Variants in ADK observed in about 807,000 individuals in gnomAD.
ADK encodes the protein N6,N6-dimethyladenosine kinase.
A neutral mutation model predicts 44.7 loss-of-function variants in ADK; 24 were observed. The ratio of observed to expected loss-of-function variants is 0.54; its 90% CI spans 0.39 to 0.76. ADK has a LOEUF of 0.76. Among genes scored for constraint, ADK ranks in the 30% least tolerant of loss-of-function variants. The probability of loss-of-function intolerance (pLI) is 0.00; values close to 1 mark genes in which losing one functional copy is unlikely to be tolerated. For missense variants in ADK, 321 were observed against 425.1 expected, an observed-to-expected ratio of 0.76 and a Z score of 2.15; for synonymous variants, 128 against 142.6, an observed-to-expected ratio of 0.90 and a Z score of 0.73.
intron 10 of ADK, among the ~76,000 whole-genome samples, chr10:74,685,515 G>A (rs186637099): frequency 6.6e-6 from 1 of 152,184 alleles, no homozygotes; most frequent in Non-Finnish European, 1.5e-5. Flanking sequence ...CAAAGTAGCA[G>A]GTTGTAAAAT....
At chr10:74,490,514 C>A (rs560649432) in intron 6 of ADK, among the ~76,000 whole-genome samples, 1 of 152,184 alleles carries the variant, frequency 6.6e-6, no homozygotes, top group African/African-American at 2.4e-5. Context: ...AGTATATGTT[C>A]TCCCAGAATA....
At position 74,151,343 on chromosome 10, in the gene ADK, G is replaced by A. The variant is rs1370887703; in HGVS notation, c.65G>A (p.Arg22Lys). 17 of 1,549,430 alleles carry A rather than the reference G, an allele frequency of 1.1e-5. No individual in the cohort carries two copies. The East Asian group carries it at 3.2e-4, about 29-fold the overall frequency. The change falls in exon 1 of 11, where the codon AGA becomes AAA. Residue 22 changes from arginine (R) to lysine (K), a missense_variant and splice_region_variant. By Grantham distance (26) the Arg-to-Lys change is conservative (BLOSUM62 2). Coordinates refer to ENST00000539909, the MANE Select transcript of ADK (RefSeq NM_006721.4). Reference sequence around the variant, plus strand: ...AAGGTGGAGGCGCCGCAAGCGCTGAGGTGAGCGCTGCCGGACTTGGGGAGG... The same window carrying A: ...AAGGTGGAGGCGCCGCAAGCGCTGAAGTGAGCGCTGCCGGACTTGGGGAGG... ...KLKVEAPQAL[R>K]ENILFGMGNP...
At chr10:74,631,264 T>G (rs1386169161) in intron 9 of ADK, among the ~76,000 whole-genome samples, 1 of 148,030 alleles carries the variant, frequency 6.8e-6, no homozygotes, top group Non-Finnish European at 1.5e-5. Flanking sequence ...GTGTGATATA[T>G]ATATGATTTA....
chr10:74,411,240 A>G (rs1407422667), intron 6 of ADK, among the ~76,000 whole-genome samples: 1 of 152,144 alleles, frequency 6.6e-6, no homozygotes, highest in Non-Finnish European at 1.5e-5. Flanking sequence ...AAATCTGTAG[A>G]GTTGTTTGTT....
chr10:74,320,845 GTCT>G (rs1235406836), intron 4 of ADK, among the ~76,000 whole-genome samples: 7 of 152,140 alleles, frequency 4.6e-5, no homozygotes, highest in Admixed American at 3.9e-4. Context: ...ACTTCTTACT[GTCT>G]TCTTCAATTT....
At chr10:74,322,110 A>G in intron 4 of ADK, among the ~76,000 whole-genome samples, 1 of 152,310 alleles carries the variant, frequency 6.6e-6, no homozygotes, top group Middle Eastern at 3.4e-3. Context: ...AAAAAATCTG[A>G]TTATCTCTTG....
At chr10:74,532,140 TA>T (rs1178503161) in intron 7 of ADK, among the ~76,000 whole-genome samples, 1 of 152,118 alleles carries the variant, frequency 6.6e-6, no homozygotes, top group Non-Finnish European at 1.5e-5. Flanking sequence ...ATGTTAAGAC[TA>T]AAAAGAAAAA....
intron 6 of ADK, among the ~76,000 whole-genome samples, chr10:74,415,919 C>G (rs947597185): frequency 3.0e-4 from 45 of 151,758 alleles, no homozygotes; most frequent in African/African-American, 1.1e-3. Flanking sequence ...CTGCTTTGAT[C>G]TCTTGCTCTT....
chr10:74,274,788 G>A (rs1366345841), intron 3 of ADK, among the ~76,000 whole-genome samples: 1 of 105,976 alleles, frequency 9.4e-6, no homozygotes, highest in African/African-American at 3.3e-5. Flanking sequence ...TGTAGAGACA[G>A]GGTCTTACTT....
At chr10:74,704,101 A>G (rs1195605573) in intron 10 of ADK, among the ~76,000 whole-genome samples, 1 of 152,234 alleles carries the variant, frequency 6.6e-6, no homozygotes, top group Non-Finnish European at 1.5e-5. Context: ...CAAATATTGT[A>G]TGATCTCACT....
intron 3 of ADK, among the ~76,000 whole-genome samples, chr10:74,296,003 CTT>C (rs1432500766): frequency 6.7e-6 from 1 of 149,696 alleles, no homozygotes; most frequent in Admixed American, 6.7e-5. Context: ...AAAGAACTAA[CTT>C]TGGCTTTGTT....
chr10:74,374,800 C>T (rs920216349), intron 4 of ADK, among the ~76,000 whole-genome samples: 3 of 152,054 alleles, frequency 2.0e-5, no homozygotes, highest in Non-Finnish European at 2.9e-5. Flanking sequence ...TATTTTTCTT[C>T]TTTTCGCCTG....
chr10:74,189,256 G>A (rs1275534413), intron 1 of ADK, among the ~76,000 whole-genome samples: 1 of 151,960 alleles, frequency 6.6e-6, no homozygotes, highest in Non-Finnish European at 1.5e-5. Flanking sequence ...TAATATTTGG[G>A]GATTTTTTAG....
intron 9 of ADK, among the ~76,000 whole-genome samples, chr10:74,617,601 T>C (rs1395754301): frequency 6.6e-6 from 1 of 152,194 alleles, no homozygotes; most frequent in Admixed American, 6.5e-5. Context: ...TTTTGTTTTC[T>C]GTTTGTTTTT....
chr10:74,303,588 G>GTTGTTGTTTTTTTTT (rs1840139803), intron 3 of ADK, among the ~76,000 whole-genome samples: 4 of 68,576 alleles, frequency 5.8e-5, no homozygotes, highest in African/African-American at 2.4e-4. Context: ...TTTTAATGTT[G>GTTGTTGTTTTTTTTT]TTTTTTTTTT....
At chr10:74,501,155 C>T (rs538471684) in intron 6 of ADK, among the ~76,000 whole-genome samples, 4 of 152,272 alleles carry the variant, frequency 2.6e-5, no homozygotes, top group Non-Finnish European at 1.5e-5. Flanking sequence ...GCATTTTTGC[C>T]ATTTTTAACT....
intron 9 of ADK, 77 bp downstream of exon 9, chr10:74,600,570 T>C (rs1852087440): frequency 1.4e-6 from 1 of 720,612 alleles, no homozygotes; most frequent in Non-Finnish European, 2.4e-6. Context: ...GTATTCTTTC[T>C]ATTATAATAT....
chr10:74,698,721 T>G (rs1175190363), intron 10 of ADK, among the ~76,000 whole-genome samples: 3 of 152,104 alleles, frequency 2.0e-5, no homozygotes, highest in Non-Finnish European at 4.4e-5. Context: ...CACGCCTGGC[T>G]AAATTTTTGA....
chr10:74,490,310 A>G (rs1847429711), intron 6 of ADK, among the ~76,000 whole-genome samples: 1 of 152,140 alleles, frequency 6.6e-6, no homozygotes, highest in African/African-American at 2.4e-5. Context: ...AACTTTGAAT[A>G]GGTCCAACAT....
Sources: gnomAD v4.1 joint callset for allele counts (sites outside exome capture counted in the v4.1 genomes callset) on GRCh38, gnomAD v4.1.1 for gene constraint, MANE v1.5 for transcripts, NCBI Gene and HGNC (gene_info 2026-07-23, HGNC 2026-07-21) for gene names.